Variants in PTPRD observed in about 807,000 individuals in gnomAD.
PTPRD encodes protein tyrosine phosphatase receptor type D, also known as receptor-type tyrosine-protein phosphatase delta.
PTPRD carries 34 observed loss-of-function variants against 214.5 expected under a neutral mutation model. The observed-to-expected ratio is 0.16, with a 90% CI of 0.12 to 0.21. The LOEUF is 0.21. PTPRD is among the 10% of genes least tolerant of loss of function. PTPRD has a pLI of 1.00. For missense variants in PTPRD, 2,545 were observed against 2,398.7 expected, an observed-to-expected ratio of 1.06 and a Z score of -1.27; for synonymous variants, 1,128 against 845.7, an observed-to-expected ratio of 1.33 and a Z score of -5.79.
chr9:8,337,453 G>C (rs1848074867), intron 43 of PTPRD, among the ~76,000 whole-genome samples: 1 of 151,470 alleles, frequency 6.6e-6, no homozygotes, highest in South Asian at 2.1e-4. Context: ...CCTGTTGCGG[G>C]TTTGGAGTCT....
At chr9:9,216,513 G>C (rs567075316) in intron 9 of PTPRD, among the ~76,000 whole-genome samples, 2 of 152,214 alleles carry the variant, frequency 1.3e-5, no homozygotes, top group African/African-American at 2.4e-5. Context: ...CAGCCTCAAA[G>C]ACTAAGCCTG....
chr9:9,689,297 G>A (rs1048098188), intron 7 of PTPRD, among the ~76,000 whole-genome samples: 4 of 151,698 alleles, frequency 2.6e-5, no homozygotes, highest in Non-Finnish European at 4.4e-5. Context: ...AAAGTTCTGT[G>A]TTATGTTAAT....
chr9:9,023,705 T>C (rs1436375741), intron 10 of PTPRD, among the ~76,000 whole-genome samples: 1 of 151,988 alleles, frequency 6.6e-6, no homozygotes, highest in Admixed American at 6.6e-5. Context: ...ACTCCCATGT[T>C]CATGTCCATG....
At chr9:9,159,298 C>A (rs551306628) in intron 10 of PTPRD, among the ~76,000 whole-genome samples, 1 of 152,132 alleles carries the variant, frequency 6.6e-6, no homozygotes, top group South Asian at 2.1e-4. Flanking sequence ...AGAGAAATAG[C>A]AAATAGAGAC....
intron 34 of PTPRD, among the ~76,000 whole-genome samples, chr9:8,440,897 A>G (rs750765737): frequency 7.9e-5 from 12 of 152,182 alleles, no homozygotes; most frequent in Non-Finnish European, 1.2e-4. Flanking sequence ...ATACAAGAGG[A>G]CTCAAATCCA....
intron 9 of PTPRD, among the ~76,000 whole-genome samples, chr9:9,355,502 T>C (rs1158454867): frequency 6.6e-6 from 1 of 151,676 alleles, no homozygotes; most frequent in Non-Finnish European, 1.5e-5. Flanking sequence ...TTTAGGTTTT[T>C]GGTATAAGTG....
intron 8 of PTPRD, among the ~76,000 whole-genome samples, chr9:9,468,328 T>C (rs758402256): frequency 2.0e-4 from 31 of 152,126 alleles, no homozygotes; most frequent in Non-Finnish European, 4.1e-4. Flanking sequence ...AAATAATCTA[T>C]ATGAAATACA....
chr9:9,685,811 T>C (rs570029021), intron 7 of PTPRD, among the ~76,000 whole-genome samples: 4 of 151,568 alleles, frequency 2.6e-5, no homozygotes, highest in African/African-American at 9.6e-5. Context: ...TTCTATTTCT[T>C]TTTTAGTACT....
intron 5 of PTPRD, among the ~76,000 whole-genome samples, chr9:9,787,139 T>C (rs1287106944): frequency 7.8e-6 from 1 of 127,964 alleles, no homozygotes; most frequent in Non-Finnish European, 1.7e-5. Context: ...TCCATCTCAA[T>C]TTAATAAAAA....
In PTPRD at chr9:10,187,195, C is replaced by A. The variant is rs114327255; in HGVS notation, c.-544-153405G>T. Among the ~76,000 whole-genome samples, 846 of 151,732 alleles carry A rather than the reference C, an allele frequency of 5.6e-3. 8 individuals are homozygous for A. Among genetic ancestry groups the A allele is most frequent in the African/African-American group, 0.02 (810 of 41,348 alleles). On this transcript the variant is annotated intron_variant, in intron 3 of 45. Coordinates refer to ENST00000381196, the MANE Select transcript of PTPRD (RefSeq NM_002839.4). ...GGTTAAAATGCTGTGTTTTTTTTAA[C>A]CTTTCTGTCTCTTACAGCATGCAAC...
intron 9 of PTPRD, among the ~76,000 whole-genome samples, chr9:9,212,389 T>C (rs2099949348): frequency 6.6e-6 from 1 of 152,166 alleles, no homozygotes; most frequent in Non-Finnish European, 1.5e-5. Context: ...AGCTAGCTTT[T>C]AGTGTCTTCC....
chr9:10,581,384 T>G (rs886686936), intron 2 of PTPRD, among the ~76,000 whole-genome samples: 2 of 152,204 alleles, frequency 1.3e-5, no homozygotes, highest in Non-Finnish European at 2.9e-5. Flanking sequence ...ACTGACAAGT[T>G]TATAGACTGC....
intron 7 of PTPRD, among the ~76,000 whole-genome samples, chr9:9,654,121 A>G (rs548537801): frequency 5.3e-4 from 81 of 152,232 alleles, no homozygotes; most frequent in African/African-American, 1.9e-3. Context: ...AAAGGAGTAC[A>G]CTTTTATCCA....
At chr9:8,761,241 G>GT in intron 11 of PTPRD, among the ~76,000 whole-genome samples, 1 of 152,290 alleles carries the variant, frequency 6.6e-6, no homozygotes, top group East Asian at 1.9e-4. Flanking sequence ...ATCAAGTAAG[G>GT]TGGGGACAGA....
intron 3 of PTPRD, among the ~76,000 whole-genome samples, chr9:10,240,120 T>G (rs111507463): frequency 2.6e-4 from 39 of 152,124 alleles, no homozygotes; most frequent in Admixed American, 5.2e-4. Context: ...TATATACTTT[T>G]TGTATAATCG....
intron 10 of PTPRD, among the ~76,000 whole-genome samples, chr9:9,158,082 T>C (rs1288004250): frequency 1.3e-5 from 2 of 152,200 alleles, no homozygotes; most frequent in Non-Finnish European, 2.9e-5. Context: ...TATTCCATGG[T>C]ATATATGTAC....
intron 19 of PTPRD, among the ~76,000 whole-genome samples, chr9:8,521,817 T>A (rs776517018): frequency 1.3e-5 from 2 of 152,066 alleles, no homozygotes; most frequent in Non-Finnish European, 2.9e-5. Flanking sequence ...CAAAAAACTA[T>A]CTACAAACTA....
intron 7 of PTPRD, among the ~76,000 whole-genome samples, chr9:9,627,813 T>G (rs1327823670): frequency 1.3e-5 from 2 of 152,190 alleles, no homozygotes; most frequent in Non-Finnish European, 2.9e-5. Context: ...TATTACAAAT[T>G]CATTAAATTC....
intron 11 of PTPRD, among the ~76,000 whole-genome samples, chr9:8,959,922 T>C (rs998438478): frequency 2.0e-5 from 3 of 152,080 alleles, no homozygotes; most frequent in African/African-American, 7.2e-5. Context: ...ATTCATCGAG[T>C]ACCTCACCTA....
Sources: allele counts gnomAD v4.1 joint callset (sites outside exome capture counted in the v4.1 genomes callset), GRCh38; gene constraint gnomAD v4.1.1; transcripts MANE v1.5; gene names NCBI Gene and HGNC (gene_info 2026-07-23, HGNC 2026-07-21).